ZDHHC6: variants seen among roughly 807,000 people sequenced by gnomAD.
ZDHHC6 encodes palmitoyltransferase ZDHHC6.
A neutral mutation model predicts 57.8 loss-of-function variants in ZDHHC6; 32 were observed. The observed-to-expected ratio is 0.55, with a 90% confidence interval of 0.42 to 0.74. ZDHHC6 has a LOEUF of 0.74. ZDHHC6 is among the 30% of genes least tolerant of loss of function. The pLI, the probability that ZDHHC6 is intolerant of heterozygous loss-of-function variation, is 0.00. For synonymous variants in ZDHHC6, 128 were observed against 158.0 expected, an observed-to-expected ratio of 0.81 and a Z score of 1.42; for missense variants, 433 against 500.7, an observed-to-expected ratio of 0.86 and a Z score of 1.29.
chr10:112,447,480 C>A, upstream of ZDHHC6: 1 of 1,612,166 alleles, frequency 6.2e-7, no homozygotes, highest in Non-Finnish European at 8.5e-7. Context: ...GAGAGCCTTG[C>A]CCGGCTGGAC....
rs1844927632 is a variant in ZDHHC6, at chr10:112,430,568, T to C, written c.*236A>G. The C allele has an allele frequency of 5.4e-6, 2 of 368,224 alleles. No individual in the cohort carries two copies. Among genetic ancestry groups the C allele is most frequent in the East Asian group, 5.1e-5 (1 of 19,760 alleles). 22.8% of individuals were successfully genotyped at this position (368,224 alleles called of 1,614,324 possible). ...ATGCCGTTAACTTACTTGGATGAAATGTTTTTCCTTTGAGGGGGAGGAAGA... is the reference window on the plus strand; with the variant it reads ...ATGCCGTTAACTTACTTGGATGAAACGTTTTTCCTTTGAGGGGGAGGAAGA... On this transcript the variant is annotated 3_prime_UTR_variant, in exon 11 of 11. Transcript: ENST00000369405.
intron 8 of ZDHHC6, 35 bp downstream of exon 8, chr10:112,433,205 G>GA (rs747527365): frequency 4.6e-4 from 697 of 1,522,860 alleles, no homozygotes; most frequent in South Asian, 1.2e-3. Context: ...CCTAACAAAA[G>GA]AAAAAAAAAT....
upstream of ZDHHC6, chr10:112,447,472 G>A: frequency 1.9e-6 from 3 of 1,613,040 alleles, no homozygotes; most frequent in Middle Eastern, 5.3e-4. Flanking sequence ...CGCCTGGTGA[G>A]AGCCTTGCCC....
At chr10:112,441,592 A>G (rs531618050) in intron 4 of ZDHHC6, among the ~76,000 whole-genome samples, 2 of 152,272 alleles carry the variant, frequency 1.3e-5, no homozygotes, top group South Asian at 4.1e-4. Flanking sequence ...ACAAGCTAGC[A>G]GATCAAATAT....
chr10:112,440,534 C>T lies in ZDHHC6; in HGVS notation c.681G>A (p.Gln227=). 1 of 1,612,144 alleles carries T rather than the reference C, an allele frequency of 6.2e-7. No individual in the cohort carries two copies. Among genetic ancestry groups the T allele is most frequent in the Non-Finnish European group, 8.5e-7 (1 of 1,178,802 alleles). Residue 227 remains glutamine, a splice_region_variant and synonymous_variant, in exon 5 of 11, where the codon CAG becomes CAA. Coordinates refer to ENST00000369405, the MANE Select transcript of ZDHHC6 (RefSeq NM_022494.3). ...TIAVGMLFFI[Q]MKIILRNKTS... is the part of the protein sequence containing the mutation. ...GACTTGAGGTAATTGAGATGCTTAC[C>T]TGGATAAAAAACAACATCCCAACAG...
chr10:112,430,927 T>A lies in ZDHHC6; in HGVS notation c.1139-20A>T. 6.3e-7 allele frequency: 1 copy of A among 1,595,932 alleles called. No homozygotes were observed. The highest frequency in any genetic ancestry group is 1.7e-4 in the Middle Eastern group (1 of 6,022). On this transcript the variant is annotated intron_variant, in intron 10 of 10. Transcript: ENST00000369405. ...AAACACCTGAGGGAGAAAATGAAAT[T>A]GAGGTGAAATAGTCTGATGGATGAC...
At chr10:112,427,301 G>T (rs1393202273), downstream of ZDHHC6, 1 of 1,613,884 alleles carries the variant, frequency 6.2e-7, no homozygotes, top group South Asian at 1.1e-5. Context: ...AGCGAGGAGA[G>T]CTTTCCAAAT....
At chr10:112,440,478 G>C in intron 5 of ZDHHC6, 56 bp downstream of exon 5, 1 of 1,529,724 alleles carries the variant, frequency 6.5e-7, no homozygotes, top group Non-Finnish European at 8.9e-7. Context: ...TCTCTTTCTT[G>C]TGCAATCAGT....
intron 8 of ZDHHC6, 94 bp downstream of exon 8, chr10:112,433,146 C>A: frequency 1.0e-6 from 1 of 997,076 alleles, no homozygotes. Flanking sequence ...TAAAGGCCAA[C>A]AATTGGTTTC....
At chr10:112,427,262 T>C, downstream of ZDHHC6, 2 of 1,613,610 alleles carry the variant, frequency 1.2e-6, no homozygotes, top group South Asian at 1.1e-5. Flanking sequence ...CCATTGAAAA[T>C]GGGCTCTTGA....
chr10:112,430,820 T>TC lies in ZDHHC6; in HGVS notation c.1225dup (p.Glu409GlyfsTer5). On this transcript the variant is annotated frameshift_variant, in exon 11 of 11. Transcript: ENST00000369405. LOFTEE classifies it high-confidence loss of function. ...TAACAGCAGCTATCTATTTTTCTTC[T>TC]CCCCCTCTGGGGCTTGATCTGTTTC... is the stretch of plus-strand genomic sequence containing the variant. 6.2e-7 allele frequency: 1 copy of TC among 1,612,454 alleles called. No individual in the cohort carries two copies. The highest frequency in any genetic ancestry group is 8.5e-7 in the Non-Finnish European group (1 of 1,179,436).
chr10:112,433,745 TAGG>T (rs932894747), intron 7 of ZDHHC6, among the ~76,000 whole-genome samples: 3 of 152,166 alleles, frequency 2.0e-5, no homozygotes, highest in African/African-American at 7.2e-5. Flanking sequence ...TTAGATATAA[TAGG>T]AGAAATAAAG....
Position 112,432,306 on chromosome 10 carries a change from A to G in ZDHHC6, c.1092-20T>C. 4 of 1,607,638 alleles carry G rather than the reference A, an allele frequency of 2.5e-6. No homozygotes were observed. Among genetic ancestry groups the G allele is most frequent in the Non-Finnish European group, 3.4e-6 (4 of 1,178,290 alleles). On this transcript the variant is annotated intron_variant, in intron 9 of 10. Transcript: ENST00000369405. ...CAGTATCTGAAATATTTAAAAGATG[A>G]AAATTAATTTTTTAGGCTAGATATT...
Position 112,445,567 on chromosome 10 carries a change from G to A in ZDHHC6, c.-131C>T, listed in dbSNP as rs1477832247. ...TGCCTTCAAGCTGTGAACTGTTAAC[G>A]CAGATTACACCATTTTCACTGTCAG... On this transcript the variant is annotated 5_prime_UTR_variant, in exon 2 of 11. Coordinates refer to ENST00000369405, the MANE Select transcript of ZDHHC6 (RefSeq NM_022494.3). The A allele has an allele frequency of 7.6e-6, 8 of 1,056,798 alleles. No individual in the cohort carries two copies. The highest frequency in any genetic ancestry group is 5.2e-5 in the East Asian group (2 of 38,730). The allele number at this position is 1,056,798 out of a possible 1,614,324, so 65.5% of individuals were successfully genotyped here.
In ZDHHC6 at chr10:112,442,179, C is replaced by A; in HGVS notation, c.519+13G>T. ...GGATGATTTTATAACAAAACATTTTCATTTTCACTTACCCGATGATAAAGC... is the reference window on the plus strand; with the variant it reads ...GGATGATTTTATAACAAAACATTTTAATTTTCACTTACCCGATGATAAAGC... On this transcript the variant is annotated intron_variant, in intron 4 of 10. Transcript: ENST00000369405. The A allele has an allele frequency of 6.3e-7, 1 of 1,591,120 alleles. No homozygotes were observed. The highest frequency in any genetic ancestry group is 8.5e-7 in the Non-Finnish European group (1 of 1,170,600).
intron 6 of ZDHHC6, among the ~76,000 whole-genome samples, chr10:112,437,598 G>C (rs1163935625): frequency 6.6e-6 from 1 of 152,192 alleles, no homozygotes; most frequent in East Asian, 1.9e-4. Context: ...ATGCAGAAGT[G>C]AGAATCCAAC....
upstream of ZDHHC6, chr10:112,447,508 C>CT (rs1207047083): frequency 6.2e-7 from 1 of 1,603,226 alleles, no homozygotes; most frequent in African/African-American, 1.3e-5. Context: ...CTGGGGAGAG[C>CT]TGGGAGGGTG....
chr10:112,436,011 C>T (rs1438080146), intron 6 of ZDHHC6, among the ~76,000 whole-genome samples: 3 of 152,110 alleles, frequency 2.0e-5, no homozygotes, highest in Non-Finnish European at 2.9e-5. Flanking sequence ...AATACCTTAA[C>T]TAAGTCTTGA....
Position 112,437,593 on chromosome 10 carries a change from G to C in ZDHHC6, c.735+743C>G, listed in dbSNP as rs981063332. ...AACATATCTCAACAGACTGAATGCA[G>C]AAGTGAGAATCCAACCATCTTCTCT... On this transcript the variant is annotated intron_variant, in intron 6 of 10. Transcript: ENST00000369405. Among the ~76,000 whole-genome samples, 3 of 152,330 alleles carry C rather than the reference G, an allele frequency of 2.0e-5. No homozygotes were observed. In the South Asian group the frequency reaches 6.2e-4, roughly 32 times the overall value.
Sources: allele counts gnomAD v4.1 joint callset (sites outside exome capture counted in the v4.1 genomes callset), GRCh38; gene constraint gnomAD v4.1.1; transcripts MANE v1.5; gene names NCBI Gene and HGNC (gene_info 2026-07-23, HGNC 2026-07-21).